Variants in ACO1 observed in about 807,000 individuals in gnomAD.
ACO1 encodes aconitase 1.
ACO1 carries 78 observed loss-of-function variants against 105.1 expected under a neutral mutation model. That is an observed-to-expected ratio of 0.74 (90% CI 0.62 to 0.90). The LOEUF is 0.90. ACO1 is among the 40% of genes least tolerant of loss of function. The pLI is 0.00. For missense variants in ACO1, 965 were observed against 1,111.1 expected, an observed-to-expected ratio of 0.87 and a Z score of 1.87; for synonymous variants, 364 against 397.4, an observed-to-expected ratio of 0.92 and a Z score of 1.00.
intron 1 of ACO1, among the ~76,000 whole-genome samples, chr9:32,392,972 C>T (rs1052345440): frequency 2.6e-5 from 4 of 152,110 alleles, no homozygotes; most frequent in Non-Finnish European, 4.4e-5. Flanking sequence ...TCTCTTAATC[C>T]CATCATCTTC....
At chr9:32,387,462 C>G (rs1821178460) in intron 1 of ACO1, among the ~76,000 whole-genome samples, 1 of 151,954 alleles carries the variant, frequency 6.6e-6, no homozygotes. Context: ...TCTTGGAGTT[C>G]AAGTTGTTAA....
intron 8 of ACO1, among the ~76,000 whole-genome samples, chr9:32,422,450 A>G (rs1488583558): frequency 6.6e-6 from 1 of 152,230 alleles, no homozygotes; most frequent in Non-Finnish European, 1.5e-5. Flanking sequence ...AATGACGTTT[A>G]CAGTTCAGCT....
chr9:32,384,703 G>T lies in ACO1; in HGVS notation c.-55G>T. The stretch of plus-strand genomic sequence containing the variant: ...GCGTCCCGCTGCTTGGGTCAGGTTC[G>T]CCGGTCGCGGGAGCCCCGCCGTGCA... On this transcript the variant is annotated 5_prime_UTR_variant, in exon 1 of 21. Coordinates refer to ENST00000309951, the MANE Select transcript of ACO1 (RefSeq NM_002197.3). 1 of 413,940 alleles carries T rather than the reference G, an allele frequency of 2.4e-6. No homozygotes were observed. The allele number at this position is 413,940 out of a possible 1,614,324, so 25.6% of individuals were successfully genotyped here. A position where few individuals can be genotyped will look rare whatever the true frequency, so the allele number is the denominator to read the frequency against.
chr9:32,408,049 G>A (rs10123298), intron 3 of ACO1, among the ~76,000 whole-genome samples: 2,004 of 152,140 alleles, frequency 0.013, 37 homozygotes, highest in African/African-American at 0.044. Flanking sequence ...ACTTTTAAGC[G>A]AAAAAGAGAG....
chr9:32,423,504 T>C (rs1427706295), intron 9 of ACO1, 85 bp downstream of exon 9: 5 of 918,880 alleles, frequency 5.4e-6, no homozygotes, highest in Non-Finnish European at 8.6e-6. Flanking sequence ...GGGAATGCGC[T>C]AGTAGGAAAT....
chr9:32,410,450 C>G (rs1821713930), intron 4 of ACO1, among the ~76,000 whole-genome samples: 1 of 152,016 alleles, frequency 6.6e-6, no homozygotes, highest in African/African-American at 2.4e-5. Context: ...GTCCCAGCTA[C>G]TTGGGAGGCT....
rs1309598094 is a variant in ACO1, at chr9:32,405,494, G to A, written c.-13G>A. ...TCTCTTTTCTTTTCAGGAACACGTG[G>A]CCATCAGTAATCATGAGCAACCCAT... On this transcript the variant is annotated 5_prime_UTR_variant, in exon 2 of 21. Coordinates refer to ENST00000309951, the MANE Select transcript of ACO1 (RefSeq NM_002197.3). 6 of 1,592,540 alleles carry A rather than the reference G, an allele frequency of 3.8e-6. No homozygotes were observed. The highest frequency in any genetic ancestry group is 2.2e-5 in the East Asian group (1 of 44,792).
intron 11 of ACO1, 141 bp from the exon 12 acceptor site, chr9:32,427,160 C>T: frequency 1.9e-6 from 2 of 1,026,796 alleles, no homozygotes; most frequent in Non-Finnish European, 2.8e-6. Context: ...GCAGAAACAG[C>T]AGATAGCGCC....
chr9:32,443,223 G>A (rs1015007031), intron 19 of ACO1, among the ~76,000 whole-genome samples: 1 of 151,992 alleles, frequency 6.6e-6, no homozygotes, highest in Non-Finnish European at 1.5e-5. Context: ...GCCATTTTCT[G>A]TCATCCTAGA....
chr9:32,446,285 G>A (rs1427409558), intron 19 of ACO1, among the ~76,000 whole-genome samples: 2 of 151,934 alleles, frequency 1.3e-5, no homozygotes, highest in East Asian at 1.9e-4. Context: ...TGTATTGGGT[G>A]CATATATATT....
intron 7 of ACO1, 83 bp downstream of exon 7, chr9:32,419,260 T>C: frequency 7.1e-7 from 1 of 1,401,016 alleles, no homozygotes; most frequent in African/African-American, 1.5e-5. Flanking sequence ...TGGAATCTTG[T>C]TTGGTTTCCA....
chr9:32,414,983 G>A (rs1057474466), intron 4 of ACO1, among the ~76,000 whole-genome samples: 1 of 152,084 alleles, frequency 6.6e-6, no homozygotes, highest in Non-Finnish European at 1.5e-5. Context: ...TGGGGAGTCT[G>A]TGGGTTTTTC....
chr9:32,431,967 C>T, intron 15 of ACO1, 124 bp downstream of exon 15: 1 of 1,146,788 alleles, frequency 8.7e-7, no homozygotes, highest in Non-Finnish European at 1.2e-6. Flanking sequence ...TTTATTTCTT[C>T]AGATGACTGG....
chr9:32,428,281 CA>C (rs199515069), intron 12 of ACO1, among the ~76,000 whole-genome samples: 5,520 of 110,580 alleles, frequency 0.05, 292 homozygotes, highest in African/African-American at 0.17. Context: ...GACCCTGTCT[CA>C]AAAAAAAAAA....
chr9:32,393,506 T>C (rs1821309378), intron 1 of ACO1, among the ~76,000 whole-genome samples: 1 of 152,180 alleles, frequency 6.6e-6, no homozygotes, highest in South Asian at 2.1e-4. Flanking sequence ...TAATTTTGCC[T>C]CAGTCTTATG....
At position 32,450,940 on chromosome 9, in the gene ACO1, A is replaced by AT. The variant is rs1456993354; in HGVS notation, c.*831dup. ...ATTGGGAAGCCTGAATAACCTTCAT[A>AT]TTCTCCCATTTTTACAACTCTATCA... On this transcript the variant is annotated 3_prime_UTR_variant, in exon 21 of 21. Transcript: ENST00000309951. 6.6e-6 allele frequency: 1 copy of AT among 151,938 alleles called. No individual in the cohort carries two copies. Among genetic ancestry groups the AT allele is most frequent in the East Asian group, 1.9e-4 (1 of 5,186 alleles). The allele number at this position is 151,938 out of a possible 1,614,324, so 9.4% of individuals were successfully genotyped here. A position where few individuals can be genotyped will look rare whatever the true frequency, so the allele number is the denominator to read the frequency against.
chr9:32,413,262 G>T (rs1821778483), intron 4 of ACO1, among the ~76,000 whole-genome samples: 1 of 152,070 alleles, frequency 6.6e-6, no homozygotes, highest in African/African-American at 2.4e-5. Context: ...AAGGCAGGTG[G>T]ATCACGAGGT....
rs376382833 is a variant in ACO1 at position 32,430,424 on chromosome 9, C to T, written c.1576C>T (p.Leu526Phe). Residue 526 changes from leucine (L) to phenylalanine (F), a missense_variant, in exon 14 of 21, where the codon CTT becomes TTT. Transcript: ENST00000309951. ...PVVEAITQGD[L>F]VAVGVLSGNR... ...TTTCTCTTGCCTTACTCAGGGAGAC[C>T]TTGTAGCTGTTGGAGTACTATCTGG... The T allele has an allele frequency of 1.1e-5, 18 of 1,609,662 alleles. No individual in the cohort carries two copies. The highest frequency in any genetic ancestry group is 1.5e-5 in the Non-Finnish European group (18 of 1,178,312).
At chr9:32,411,907 C>T (rs1821747029) in intron 4 of ACO1, among the ~76,000 whole-genome samples, 1 of 152,102 alleles carries the variant, frequency 6.6e-6, no homozygotes, top group Non-Finnish European at 1.5e-5. Flanking sequence ...GAGACAGGTT[C>T]TCACTCTGTT....
Sources: gnomAD v4.1 joint callset for allele counts (sites outside exome capture counted in the v4.1 genomes callset) on GRCh38, gnomAD v4.1.1 for gene constraint, MANE v1.5 for transcripts, NCBI Gene and HGNC (gene_info 2026-07-23, HGNC 2026-07-21) for gene names.